Variants in SCUBE1 observed in about 807,000 individuals in gnomAD.
The protein encoded by SCUBE1 is signal peptide, CUB and EGF-like domain-containing protein 1.
A neutral mutation model predicts 124.4 loss-of-function variants in SCUBE1; 59 were observed. The ratio of observed to expected loss-of-function variants is 0.47; its 90% CI spans 0.38 to 0.59. SCUBE1 has a LOEUF of 0.59. SCUBE1 is among the 20% of genes least tolerant of loss of function. The pLI is 0.00. For synonymous variants in SCUBE1, 545 were observed against 550.9 expected, an observed-to-expected ratio of 0.99 and a Z score of 0.15; for missense variants, 1,150 against 1,371.2, an observed-to-expected ratio of 0.84 and a Z score of 2.55.
In SCUBE1 at chr22:43,302,853, C is replaced by T. The variant is rs142175294; in HGVS notation, c.350-11673G>A. Among the ~76,000 whole-genome samples, 432 of 152,354 alleles carry T rather than the reference C, an allele frequency of 2.8e-3. 1 individual carries two copies. The highest frequency in any genetic ancestry group is 6.3e-3 in the African/African-American group (264 of 41,588). On this transcript the variant is annotated intron_variant, in intron 3 of 21. Coordinates refer to ENST00000360835, the MANE Select transcript of SCUBE1 (RefSeq NM_173050.5). ...AAGCTGTAAGGAAAGAAGGAGGAAA[C>T]GCTCCCACGGGACGCTTAATGAAGC...
chr22:43,215,391 T>C (rs577436494), intron 15 of SCUBE1, among the ~76,000 whole-genome samples: 1 of 152,180 alleles, frequency 6.6e-6, no homozygotes, highest in Non-Finnish European at 1.5e-5. Context: ...CCCACTTTCC[T>C]ACAGGAGAAT....
Position 43,232,016 on chromosome 22 carries a change from C to T in SCUBE1, c.845-141G>A. 4 of 970,290 alleles carry T rather than the reference C, an allele frequency of 4.1e-6. No homozygotes were observed. In the South Asian group the frequency reaches 6.2e-5, roughly 15 times the overall value. 60.1% of individuals were successfully genotyped at this position (970,290 alleles called of 1,614,324 possible). A position where few individuals can be genotyped will look rare whatever the true frequency, so the allele number is the denominator to read the frequency against. On this transcript the variant is annotated intron_variant, in intron 7 of 21. Coordinates refer to ENST00000360835, the MANE Select transcript of SCUBE1 (RefSeq NM_173050.5). ...CACTTCCCAAGCTGGCTGCTGGCTCCCCAGCTGTGCAGAGGGGTGGGGGCC... is the reference window on the plus strand; with the variant it reads ...CACTTCCCAAGCTGGCTGCTGGCTCTCCAGCTGTGCAGAGGGGTGGGGGCC...
intron 3 of SCUBE1, among the ~76,000 whole-genome samples, chr22:43,313,624 G>A (rs746558548): frequency 6.6e-6 from 1 of 152,178 alleles, no homozygotes; most frequent in Non-Finnish European, 1.5e-5. Flanking sequence ...ATTTGGGGTT[G>A]AGCAAGATCT....
chr22:43,226,784 C>T (rs1334478184), intron 10 of SCUBE1, among the ~76,000 whole-genome samples: 6 of 152,066 alleles, frequency 3.9e-5, no homozygotes, highest in African/African-American at 1.4e-4. Context: ...AGCACCCAGA[C>T]AGGGTCCCAT....
rs1182609949 is a variant in SCUBE1 at position 43,291,074 on chromosome 22, G to A, written c.456C>T (p.Asn152=). The A allele has an allele frequency of 6.2e-7, 1 of 1,612,688 alleles. No individual in the cohort carries two copies. The highest frequency in any genetic ancestry group is 1.1e-5 in the South Asian group (1 of 90,848). ...QCHSGFFLSD[N]QHTCIHRSNE... is the part of the protein sequence containing the mutation. The stretch of plus-strand genomic sequence containing the variant: ...TGGAGCGGTGGATGCAGGTATGCTG[G>A]TTGTCACTAAGGAAGAAGCCACTGT... The change falls in exon 4 of 22, where the codon AAC becomes AAT. Residue 152 remains asparagine, a synonymous_variant. Coordinates refer to ENST00000360835, the MANE Select transcript of SCUBE1 (RefSeq NM_173050.5).
At chr22:43,272,163 A>G (rs139039) in intron 4 of SCUBE1, among the ~76,000 whole-genome samples, 133,106 of 152,108 alleles carry the variant, frequency 0.88, 58,492 homozygotes, top group Non-Finnish European at 0.92. Flanking sequence ...CTCTGCTTTG[A>G]CCAATATGCC....
chr22:43,210,862 C>A lies in SCUBE1; in HGVS notation c.2383+60G>T, dbSNP rs1921516964. 12 of 1,600,476 alleles carry A rather than the reference C, an allele frequency of 7.5e-6. No homozygotes were observed. The highest frequency in any genetic ancestry group is 3.3e-5 in the South Asian group (3 of 90,170). ...GTGAGATCAGGTCTCCTCCCGCCCC[C>A]ACAACCTGCCCAGCCCCTCCCGTGT... On this transcript the variant is annotated intron_variant, in intron 18 of 21. Coordinates refer to ENST00000360835, the MANE Select transcript of SCUBE1 (RefSeq NM_173050.5). The surrounding 1 kb of genome is among the most constrained non-coding windows in gnomAD (Gnocchi z 4.5).
In SCUBE1 at chr22:43,281,553, ACC is replaced by A. The variant is rs1351582636; in HGVS notation, c.484+9491_484+9492del. ...CACCTCCCTCAGTCACCCTCCTGTCACCTCCCCCTCAGCCACCCTCCTGTCAC... is the reference window on the plus strand; with the variant it reads ...CACCTCCCTCAGTCACCCTCCTGTCATCCCCCTCAGCCACCCTCCTGTCAC... On this transcript the variant is annotated intron_variant, in intron 4 of 21. Coordinates refer to ENST00000360835, the MANE Select transcript of SCUBE1 (RefSeq NM_173050.5). 1.7e-4 allele frequency among the ~76,000 whole-genome samples: 9 copies of A among 54,104 alleles called. No homozygotes were observed. The East Asian group carries it at 8.1e-3, about 49-fold the overall frequency. 35.5% of individuals were successfully genotyped at this position (54,104 alleles called of 152,430 possible).
In SCUBE1 at chr22:43,222,688, G is replaced by C. The variant is rs144577242; in HGVS notation, c.1382C>G (p.Ala461Gly). ...GCTGGTGCCGTTGCGTTTCTGCAGC[G>C]CCTTGCCCTGCGGCCCTGGAACTCC... ...SCGVPGPQGKALQKRNGTSSG... is the reference protein window; with the variant it reads ...SCGVPGPQGKGLQKRNGTSSG... The change falls in exon 12 of 22, where the codon GCG becomes GGG. Residue 461 changes from alanine (A) to glycine (G), a missense_variant. Ala to Gly is a moderately conservative substitution (Grantham distance 60). Transcript: ENST00000360835. 1.9e-5 allele frequency: 30 copies of C among 1,606,316 alleles called. No homozygotes were observed. Among genetic ancestry groups the C allele is most frequent in the Non-Finnish European group, 2.5e-5 (30 of 1,176,996 alleles).
intron 3 of SCUBE1, among the ~76,000 whole-genome samples, chr22:43,306,164 C>T (rs959565040): frequency 5.3e-5 from 8 of 152,194 alleles, no homozygotes; most frequent in African/African-American, 9.7e-5. Flanking sequence ...TATTGACAGA[C>T]GCAGTACTGG....
At chr22:43,335,947 AGAT>A (rs1003798109) in intron 2 of SCUBE1, among the ~76,000 whole-genome samples, 22 of 126,764 alleles carry the variant, frequency 1.7e-4, no homozygotes, top group African/African-American at 5.2e-4. Context: ...ATGGTGATGA[AGAT>A]GATAATGATG....
intron 3 of SCUBE1, 113 bp from the exon 4 acceptor site, chr22:43,291,293 G>A: frequency 4.1e-6 from 5 of 1,219,472 alleles, no homozygotes; most frequent in Non-Finnish European, 5.8e-6. Flanking sequence ...CCTGAAGGGA[G>A]GGACTCCAGA....
chr22:43,278,406 C>G (rs955890663), intron 4 of SCUBE1, among the ~76,000 whole-genome samples: 2 of 152,224 alleles, frequency 1.3e-5, no homozygotes, highest in Admixed American at 1.3e-4. Context: ...TCTCTTTAAA[C>G]AGGAAGTTCC....
At chr22:43,291,010 G>A (rs534851515) in intron 4 of SCUBE1, 36 bp downstream of exon 4, 7 of 1,541,276 alleles carry the variant, frequency 4.5e-6, no homozygotes, top group African/African-American at 2.7e-5. Context: ...CCCATCCTGG[G>A]GGGGGACATG....
rs115089937 is a variant in SCUBE1 at position 43,267,161 on chromosome 22, T to C, written c.485-4316A>G. 6.6e-3 allele frequency among the ~76,000 whole-genome samples: 1,000 copies of C among 152,320 alleles called. 18 individuals are homozygous for C. Among genetic ancestry groups the C allele is most frequent in the African/African-American group, 0.023 (962 of 41,568 alleles). On this transcript the variant is annotated intron_variant, in intron 4 of 21. Transcript: ENST00000360835. ...GGAATAGTTGCTTCCGTCACACTCTTTCCTGCCAACCGTGGGTAACCCGTT... is the reference window on the plus strand; with the variant it reads ...GGAATAGTTGCTTCCGTCACACTCTCTCCTGCCAACCGTGGGTAACCCGTT...
At chr22:43,325,810 G>T (rs914551372) in intron 2 of SCUBE1, among the ~76,000 whole-genome samples, 2 of 152,098 alleles carry the variant, frequency 1.3e-5, no homozygotes, top group Non-Finnish European at 2.9e-5. Context: ...GCTCATTATG[G>T]AATTTTTGAA....
At chr22:43,307,135 G>A (rs972544448) in intron 3 of SCUBE1, among the ~76,000 whole-genome samples, 1 of 152,220 alleles carries the variant, frequency 6.6e-6, no homozygotes, top group Non-Finnish European at 1.5e-5. Flanking sequence ...CTCAGCACTC[G>A]AGGAATTCCC....
chr22:43,214,046 C>CGGGGGGGGGGGGGGGGGGGGGGGGGGGGG, intron 16 of SCUBE1, 44 bp downstream of exon 16: 19 of 422,702 alleles, frequency 4.5e-5, no homozygotes, highest in Non-Finnish European at 7.0e-5. Context: ...GAGGAGCCCC[C>CGGGGGGGGGGGGGGGGGGGGGGGGGGGGG]GCCCACCCCC....
At chr22:43,330,413 A>G (rs1242689669) in intron 2 of SCUBE1, among the ~76,000 whole-genome samples, 1 of 152,192 alleles carries the variant, frequency 6.6e-6, no homozygotes, top group Non-Finnish European at 1.5e-5. Context: ...CTCCTCAGGC[A>G]GAGATATACA....
Sources: gnomAD v4.1 joint callset for allele counts (sites outside exome capture counted in the v4.1 genomes callset) on GRCh38, gnomAD v4.1.1 for gene constraint, Gnocchi (gnomAD v3.1) non-coding constraint, MANE v1.5 for transcripts, NCBI Gene and HGNC (gene_info 2026-07-23, HGNC 2026-07-21) for gene names.